Variants in PPP2R5C observed in about 807,000 individuals in gnomAD.
PPP2R5C encodes the protein protein phosphatase 2 regulatory subunit B'gamma.
A neutral mutation model predicts 68.9 loss-of-function variants in PPP2R5C; 7 were observed. The ratio of observed to expected loss-of-function variants is 0.10; its 90% CI spans 0.06 to 0.19. The LOEUF is 0.19. Ranked by LOEUF, PPP2R5C falls within the 10% of genes least tolerant of loss-of-function variation. PPP2R5C has a pLI of 1.00. For synonymous variants in PPP2R5C, 210 were observed against 222.2 expected, an observed-to-expected ratio of 0.95 and a Z score of 0.49; for missense variants, 348 against 641.3, an observed-to-expected ratio of 0.54 and a Z score of 4.94.
chr14:101,809,632 G>A (rs1292929450), upstream of PPP2R5C, among the ~76,000 whole-genome samples: 3 of 139,934 alleles, frequency 2.1e-5, no homozygotes, highest in Non-Finnish European at 3.0e-5. Context: ...GTGGCCTCCA[G>A]TATTCCCCCT....
At chr14:101,895,219 T>C (rs1454246923) in intron 8 of PPP2R5C, among the ~76,000 whole-genome samples, 1 of 152,232 alleles carries the variant, frequency 6.6e-6, no homozygotes, top group Non-Finnish European at 1.5e-5. Flanking sequence ...GAAACAACTT[T>C]ATTGAGATAT....
At chr14:101,855,432 C>A (rs1240950256) in intron 1 of PPP2R5C, among the ~76,000 whole-genome samples, 2 of 152,072 alleles carry the variant, frequency 1.3e-5, no homozygotes, top group Non-Finnish European at 2.9e-5. Flanking sequence ...GATATTACAC[C>A]AAAAGTTAGT....
In PPP2R5C at chr14:101,781,392, T is replaced by C. The variant is rs1437567112; in HGVS notation, c.94-4626T>C. Among the ~76,000 whole-genome samples the C allele has an allele frequency of 3.3e-5, 5 of 152,136 alleles. No homozygotes were observed. Among genetic ancestry groups the C allele is most frequent in the Non-Finnish European group, 5.9e-5 (4 of 68,014 alleles). On this transcript the variant is annotated intron_variant, in intron 2 of 14. Coordinates refer to the PPP2R5C transcript ENST00000328724. The surrounding 1 kb of genome is among the most constrained non-coding windows in gnomAD (Gnocchi z 6.4). ...TTGGCGGCTTTGGCCCCTGAGCCGC[T>C]AGGCTGCCAAGGCGCGCTGTGCGCG...
chr14:101,780,592 C>CGTTCCCTG (rs1303946182), intron 2 of PPP2R5C, among the ~76,000 whole-genome samples: 3 of 152,122 alleles, frequency 2.0e-5, no homozygotes, highest in Admixed American at 1.3e-4. Context: ...CATTCCCCCA[C>CGTTCCCTG]GTTCCCTGGT....
chr14:101,830,355 A>G (rs1280238704), intron 1 of PPP2R5C, among the ~76,000 whole-genome samples: 1 of 152,244 alleles, frequency 6.6e-6, no homozygotes. Flanking sequence ...TTTCACTTAC[A>G]TTAACAAAGG....
At chr14:101,883,076 A>G (rs1473724207) in intron 3 of PPP2R5C, 181 bp from the exon 6 acceptor site, 8 of 563,890 alleles carry the variant, frequency 1.4e-5, no homozygotes, top group Non-Finnish European at 2.5e-5. Flanking sequence ...TTCACCAAAT[A>G]AAATAATTAC....
At chr14:101,809,923 C>G (rs953758589) in exon 1 of PPP2R5C, 3 of 1,611,614 alleles carry the variant, frequency 1.9e-6, no homozygotes, top group Non-Finnish European at 2.5e-6. Flanking sequence ...GAGCCCATTG[C>G]CTTTCCCGCT....
At chr14:101,798,895 G>A (rs571817309) in intron 3 of PPP2R5C, among the ~76,000 whole-genome samples, 57 of 152,346 alleles carry the variant, frequency 3.7e-4, no homozygotes, top group African/African-American at 1.4e-3. Flanking sequence ...TGCATCATGG[G>A]GGACCTGGAA....
chr14:101,852,334 C>T (rs912404767), intron 1 of PPP2R5C, among the ~76,000 whole-genome samples: 2 of 152,166 alleles, frequency 1.3e-5, no homozygotes, highest in Non-Finnish European at 2.9e-5. Context: ...GACAGGAATG[C>T]TCCCAGCCTA....
At chr14:101,798,510 A>C (rs1303009275) in intron 3 of PPP2R5C, among the ~76,000 whole-genome samples, 1 of 152,248 alleles carries the variant, frequency 6.6e-6, no homozygotes, top group East Asian at 1.9e-4. Flanking sequence ...TGTGCACCTG[A>C]CTTCTCAGCT....
intron 1 of PPP2R5C, chr14:101,836,523 A>T (rs1781301150): frequency 3.4e-6 from 2 of 583,066 alleles, no homozygotes; most frequent in Non-Finnish European, 6.1e-6. Flanking sequence ...CTTTTTCAAA[A>T]TATTGTTTAG....
intron 1 of PPP2R5C, among the ~76,000 whole-genome samples, chr14:101,822,263 T>G (rs190755161): frequency 2.0e-5 from 3 of 152,180 alleles, no homozygotes; most frequent in Non-Finnish European, 4.4e-5. Context: ...ATTAAATTAC[T>G]TATTTTAGAG....
intron 2 of PPP2R5C, among the ~76,000 whole-genome samples, chr14:101,780,480 G>T (rs531760461): frequency 1.1e-4 from 17 of 152,174 alleles, no homozygotes; most frequent in East Asian, 5.8e-4. Flanking sequence ...TCGCCGCTTG[G>T]GGGGAGGGGC....
intron 1 of PPP2R5C, among the ~76,000 whole-genome samples, chr14:101,832,839 G>C (rs981973624): frequency 1.3e-5 from 2 of 152,162 alleles, no homozygotes; most frequent in East Asian, 3.8e-4. Context: ...TAATTTCTCT[G>C]CATGCTCTTC....
intron 13 of PPP2R5C, among the ~76,000 whole-genome samples, chr14:101,924,826 A>G (rs546035764): frequency 1.2e-4 from 18 of 152,328 alleles, no homozygotes; most frequent in Admixed American, 2.6e-4. Context: ...GAGGTTACTT[A>G]GGAAATTTAC....
chr14:101,803,376 A>G (rs1344198674), intron 3 of PPP2R5C: 3 of 152,296 alleles, frequency 2.0e-5, no homozygotes, highest in Non-Finnish European at 4.4e-5. Context: ...GCAGAATGGA[A>G]CTAGACCTCT....
chr14:101,775,967 C>G (rs189120046), intron 2 of PPP2R5C, among the ~76,000 whole-genome samples: 129 of 152,222 alleles, frequency 8.5e-4, no homozygotes, highest in East Asian at 4.3e-3. Flanking sequence ...CCTCTTTATT[C>G]CCGTAGCTTC....
At chr14:101,762,957 C>G in exon 2 of PPP2R5C, 1 of 1,576,246 alleles carries the variant, frequency 6.3e-7, no homozygotes, top group South Asian at 1.2e-5. Context: ...GGACAAGACA[C>G]AGTAGAATCA....
At chr14:101,775,469 T>G (rs953723405) in intron 2 of PPP2R5C, among the ~76,000 whole-genome samples, 2 of 152,240 alleles carry the variant, frequency 1.3e-5, no homozygotes, top group African/African-American at 4.8e-5. Flanking sequence ...GTTGCCTGGC[T>G]GCACGGAAGG....
Sources: gnomAD v4.1 joint callset for allele counts (sites outside exome capture counted in the v4.1 genomes callset) on GRCh38, gnomAD v4.1.1 for gene constraint, Gnocchi (gnomAD v3.1) non-coding constraint, MANE v1.5 for transcripts, NCBI Gene and HGNC (gene_info 2026-07-23, HGNC 2026-07-21) for gene names.